Variants in FXR1 observed in about 807,000 individuals in gnomAD.
FXR1 encodes the protein RNA-binding protein FXR1.
Under a neutral mutation model 84.0 loss-of-function variants are expected in FXR1, and 15 were observed. The observed-to-expected ratio is 0.18, with a 90% CI of 0.12 to 0.27. The LOEUF is 0.27. Among genes scored for constraint, FXR1 ranks in the 10% least tolerant of loss-of-function variants. The pLI is 1.00. For missense variants in FXR1, 480 were observed against 774.4 expected (o/e 0.62, Z 4.51); for synonymous variants, 245 against 250.7 (o/e 0.98, Z 0.21).
chr3:180,966,137 T>C (rs1019421276), intron 13 of FXR1, among the ~76,000 whole-genome samples: 1 of 152,178 alleles, frequency 6.6e-6, no homozygotes, highest in Non-Finnish European at 1.5e-5. Context: ...ATTACAACTT[T>C]TATGACATCC....
rs1720380881 is a variant in FXR1, at chr3:180,935,194, A to T, written c.161A>T (p.Asp54Val). The change falls in exon 3 of 17, where the codon GAT (aspartate) becomes GTT (valine). Residue 54 changes from aspartate to valine, a missense_variant. Around this residue, in one of 6 missense-constraint regions of FXR1, gnomAD observed 54 missense variants for 74.2 expected, o/e 0.73. Coordinates refer to ENST00000357559, the MANE Select transcript of FXR1 (RefSeq NM_005087.4). ...GAAGTTAGATTACCACCACCACCTGATATAAAAAAAGAAATTAGTGAAGGA... is the reference window on the plus strand; with the variant it reads ...GAAGTTAGATTACCACCACCACCTGTTATAAAAAAAGAAATTAGTGAAGGA... ...FNEVRLPPPPDIKKEISEGDE... is the reference protein window; with the variant it reads ...FNEVRLPPPPVIKKEISEGDE... 2 of 1,569,476 alleles carry T rather than the reference A, an allele frequency of 1.3e-6. No homozygotes were observed. The highest frequency in any genetic ancestry group is 1.8e-6 in the Non-Finnish European group (2 of 1,139,918).
intron 8 of FXR1, among the ~76,000 whole-genome samples, chr3:180,953,081 G>A (rs762649955): frequency 2.6e-5 from 4 of 151,994 alleles, no homozygotes; most frequent in Admixed American, 6.6e-5. Flanking sequence ...GGCCTTAAAC[G>A]ATCCTCCTAT....
At position 180,977,265 on chromosome 3, in the gene FXR1, G is replaced by A. The variant is rs1360693733; in HGVS notation, c.*973G>A. On this transcript the variant is annotated 3_prime_UTR_variant, in exon 17 of 17. Transcript: ENST00000357559. Reference sequence around the variant, plus strand: ...TGCTTTTTAAAAAGCATTTATACTTGCTCATAAATAGCATTAAAATGTCAG... The same window carrying A: ...TGCTTTTTAAAAAGCATTTATACTTACTCATAAATAGCATTAAAATGTCAG... 6.6e-6 allele frequency: 1 copy of A among 152,264 alleles called. No homozygotes were observed. The highest frequency in any genetic ancestry group is 2.4e-5 in the African/African-American group (1 of 41,344). The allele number at this position is 152,264 out of a possible 1,614,324, so 9.4% of individuals were successfully genotyped here. A position where few individuals can be genotyped will look rare whatever the true frequency, so the allele number is the denominator to read the frequency against.
At chr3:180,969,670 GTATT>G (rs1713284765) in intron 14 of FXR1, among the ~76,000 whole-genome samples, 1 of 152,130 alleles carries the variant, frequency 6.6e-6, no homozygotes, top group African/African-American at 2.4e-5. Context: ...TGGAATGCAG[GTATT>G]GAATATTATT....
intron 7 of FXR1, among the ~76,000 whole-genome samples, chr3:180,950,308 C>CA (rs1722097181): frequency 6.6e-6 from 1 of 152,178 alleles, no homozygotes; most frequent in South Asian, 2.1e-4. Context: ...GATATGTGAA[C>CA]AAATCTGCCT....
chr3:180,936,576 T>C (rs1462235468), intron 3 of FXR1, among the ~76,000 whole-genome samples: 2 of 152,220 alleles, frequency 1.3e-5, no homozygotes, highest in African/African-American at 2.4e-5. Flanking sequence ...CCTGATTTTT[T>C]AATGACAAAT....
intron 9 of FXR1, among the ~76,000 whole-genome samples, chr3:180,955,680 A>G (rs9824165): frequency 6.6e-6 from 1 of 152,174 alleles, no homozygotes; most frequent in Non-Finnish European, 1.5e-5. Flanking sequence ...ATGATTTGGC[A>G]GTGGGTTTGT....
At chr3:180,956,426 G>A (rs1481545583) in intron 9 of FXR1, among the ~76,000 whole-genome samples, 2 of 152,188 alleles carry the variant, frequency 1.3e-5, no homozygotes, top group Non-Finnish European at 2.9e-5. Flanking sequence ...AAACTTGCAG[G>A]TAGGTTCCTG....
intron 13 of FXR1, among the ~76,000 whole-genome samples, chr3:180,965,341 A>T (rs537988462): frequency 1.3e-3 from 200 of 152,248 alleles, no homozygotes; most frequent in African/African-American, 4.5e-3. Flanking sequence ...AAGCTTGTTT[A>T]AAAAAACGAC....
chr3:180,943,299 G>A (rs1191862489), intron 3 of FXR1, among the ~76,000 whole-genome samples: 1 of 128,394 alleles, frequency 7.8e-6, no homozygotes, highest in Non-Finnish European at 1.6e-5. Flanking sequence ...TTTTAAGAAG[G>A]AGTCTTGCTC....
At chr3:180,913,607 G>C (rs917479275) in intron 1 of FXR1, among the ~76,000 whole-genome samples, 1 of 152,180 alleles carries the variant, frequency 6.6e-6, no homozygotes, top group Admixed American at 6.5e-5. Context: ...AAAAACGTAA[G>C]AGGAATAGAG....
intron 9 of FXR1, chr3:180,957,547 T>G (rs909022308): frequency 7.1e-6 from 2 of 283,634 alleles, no homozygotes; most frequent in Non-Finnish European, 1.3e-5. Context: ...TATAAGCATA[T>G]TTTAAAAGTC....
intron 1 of FXR1, among the ~76,000 whole-genome samples, chr3:180,918,318 A>G (rs1412681435): frequency 1.3e-5 from 2 of 151,842 alleles, no homozygotes; most frequent in African/African-American, 4.8e-5. Flanking sequence ...TTTATTTTTT[A>G]GTAGAGATGG....
In FXR1 at chr3:180,967,288, A is replaced by G. The variant is rs141662673; in HGVS notation, c.1199-763A>G. On this transcript the variant is annotated intron_variant, in intron 13 of 16. Transcript: ENST00000357559. ...CATCATTTTATATACAACCTACTGG[A>G]AAAATTACTTCTAGCTTATAATAAA... 2.6e-5 allele frequency among the ~76,000 whole-genome samples: 4 copies of G among 152,290 alleles called. No homozygotes were observed. The East Asian group carries it at 7.7e-4, about 29-fold the overall frequency.
At position 180,981,293 on chromosome 3, in the gene FXR1, AC is replaced by A. The variant is rs1714598001; in HGVS notation, c.*5002del. Reference sequence around the variant, plus strand: ...TACATATTCAGTATACTGAATTTATACAGCTTTCAGTGTGGCAATATATTAA... The same window carrying A: ...TACATATTCAGTATACTGAATTTATAAGCTTTCAGTGTGGCAATATATTAA... On this transcript the variant is annotated 3_prime_UTR_variant, in exon 17 of 17. Transcript: ENST00000357559. 1 of 152,054 alleles carries A rather than the reference AC, an allele frequency of 6.6e-6. No homozygotes were observed. Among genetic ancestry groups the A allele is most frequent in the African/African-American group, 2.4e-5 (1 of 41,436 alleles). The allele number at this position is 152,054 out of a possible 1,614,324, so 9.4% of individuals were successfully genotyped here.
At chr3:180,962,230 A>G (rs1712213955) in intron 11 of FXR1, among the ~76,000 whole-genome samples, 1 of 152,068 alleles carries the variant, frequency 6.6e-6, no homozygotes, top group Admixed American at 6.6e-5. Flanking sequence ...CTGTCGTATC[A>G]TTGTTGCTGT....
At chr3:180,945,002 A>G (rs1201060917) in intron 3 of FXR1, among the ~76,000 whole-genome samples, 1 of 152,254 alleles carries the variant, frequency 6.6e-6, no homozygotes, top group Non-Finnish European at 1.5e-5. Flanking sequence ...TGATATATGT[A>G]TCTACAATGA....
chr3:180,928,064 T>G (rs1338364413), intron 1 of FXR1, among the ~76,000 whole-genome samples: 2 of 152,054 alleles, frequency 1.3e-5, no homozygotes, highest in African/African-American at 4.8e-5. Context: ...GATAATTGGC[T>G]CCTGATTTCT....
chr3:180,947,796 A>G, intron 3 of FXR1, 69 bp from the exon 4 acceptor site: 3 of 748,554 alleles, frequency 4.0e-6, no homozygotes, highest in Non-Finnish European at 6.6e-6. Flanking sequence ...TTGGGTATTA[A>G]TAAAAAGTCA....
Sources: allele counts gnomAD v4.1 joint callset (sites outside exome capture counted in the v4.1 genomes callset), GRCh38; gene constraint gnomAD v4.1.1; regional missense constraint gnomAD v4.1.1; transcripts MANE v1.5; gene names NCBI Gene and HGNC (gene_info 2026-07-23, HGNC 2026-07-21).